TRPS1: variants seen among roughly 807,000 people sequenced by gnomAD.
The protein encoded by TRPS1 is zinc finger transcription factor Trps1.
TRPS1 carries 6 observed loss-of-function variants against 101.2 expected under a neutral mutation model. The ratio of observed to expected loss-of-function variants is 0.06; its 90% confidence interval spans 0.03 to 0.12. TRPS1 has a LOEUF of 0.12. Among genes scored for constraint, TRPS1 ranks in the 10% least tolerant of loss-of-function variants. The pLI, the probability that TRPS1 is intolerant of heterozygous loss-of-function variation, is 1.00. For missense variants in TRPS1, 1,363 were observed against 1,567.0 expected, an observed-to-expected ratio of 0.87 and a Z score of 2.20; for synonymous variants, 578 against 589.8, an observed-to-expected ratio of 0.98 and a Z score of 0.29.
intron 5 of TRPS1, among the ~76,000 whole-genome samples, chr8:115,491,216 CT>C (rs1563548699): frequency 6.6e-6 from 1 of 152,138 alleles, no homozygotes; most frequent in East Asian, 1.9e-4. Flanking sequence ...TTGAGGAGAC[CT>C]TTGTCTTTGT....
chr8:115,585,015 G>T (rs1817533076), intron 5 of TRPS1, among the ~76,000 whole-genome samples: 1 of 152,002 alleles, frequency 6.6e-6, no homozygotes, highest in Admixed American at 6.6e-5. Context: ...GCATGTATTT[G>T]TATATATTAA....
intron 1 of TRPS1, among the ~76,000 whole-genome samples, chr8:115,646,740 CTG>C (rs1416152894): frequency 6.6e-6 from 1 of 152,074 alleles, no homozygotes; most frequent in East Asian, 1.9e-4. Flanking sequence ...TGACGGCAAA[CTG>C]TAGTTATTAA....
At chr8:115,657,158 T>C (rs552576101) in intron 1 of TRPS1, among the ~76,000 whole-genome samples, 1 of 152,276 alleles carries the variant, frequency 6.6e-6, no homozygotes, top group South Asian at 2.1e-4. Flanking sequence ...CATAAAACTG[T>C]CAGTTTCCTC....
At chr8:115,547,529 G>A (rs1177374734) in intron 5 of TRPS1, among the ~76,000 whole-genome samples, 4 of 152,082 alleles carry the variant, frequency 2.6e-5, no homozygotes, top group Non-Finnish European at 5.9e-5. Flanking sequence ...GTCATTAAAC[G>A]CATCACACAC....
chr8:115,476,405 G>A (rs993831665), intron 5 of TRPS1, among the ~76,000 whole-genome samples: 1 of 152,172 alleles, frequency 6.6e-6, no homozygotes, highest in South Asian at 2.1e-4. Context: ...TAAAGCAATT[G>A]TTGGTAATAT....
intron 1 of TRPS1, among the ~76,000 whole-genome samples, chr8:115,657,131 A>C (rs1458221180): frequency 3.9e-5 from 6 of 152,142 alleles, no homozygotes; most frequent in Non-Finnish European, 8.8e-5. Flanking sequence ...GCCAAAAACA[A>C]CTTTCGGCAC....
At chr8:115,582,690 T>C (rs1817479052) in intron 5 of TRPS1, among the ~76,000 whole-genome samples, 1 of 152,084 alleles carries the variant, frequency 6.6e-6, no homozygotes, top group South Asian at 2.1e-4. Flanking sequence ...GAACTCAACT[T>C]CCAGAACTTG....
At chr8:115,529,425 T>G (rs1183662125) in intron 5 of TRPS1, among the ~76,000 whole-genome samples, 1 of 152,144 alleles carries the variant, frequency 6.6e-6, no homozygotes, top group Non-Finnish European at 1.5e-5. Context: ...TTATTAATAT[T>G]GCTTCCATGT....
At chr8:115,508,012 C>T (rs1815489899) in intron 5 of TRPS1, among the ~76,000 whole-genome samples, 1 of 151,882 alleles carries the variant, frequency 6.6e-6, no homozygotes, top group African/African-American at 2.4e-5. Flanking sequence ...ACTTGCCTGT[C>T]TAAAATAAAA....
chr8:115,571,009 T>C (rs541561321), intron 5 of TRPS1, among the ~76,000 whole-genome samples: 2 of 152,344 alleles, frequency 1.3e-5, no homozygotes, highest in African/African-American at 4.8e-5. Flanking sequence ...GGACTGGGCC[T>C]GTAAGCCCAA....
At chr8:115,480,584 A>G (rs946682739) in intron 5 of TRPS1, among the ~76,000 whole-genome samples, 1 of 152,058 alleles carries the variant, frequency 6.6e-6, no homozygotes, top group Admixed American at 6.6e-5. Context: ...GGTCAGAAAT[A>G]TATCTGGAAG....
At chr8:115,570,619 A>T (rs1007725630) in intron 5 of TRPS1, among the ~76,000 whole-genome samples, 2 of 151,854 alleles carry the variant, frequency 1.3e-5, no homozygotes, top group Non-Finnish European at 2.9e-5. Flanking sequence ...TCTTTGTTCT[A>T]CTGTGTCCCA....
chr8:115,595,547 T>C (rs928249227), intron 4 of TRPS1, among the ~76,000 whole-genome samples: 4 of 151,886 alleles, frequency 2.6e-5, no homozygotes, highest in Non-Finnish European at 5.9e-5. Flanking sequence ...TTTGGGGACA[T>C]GGGATGAGGT....
At chr8:115,648,208 A>G (rs1408059680) in intron 1 of TRPS1, among the ~76,000 whole-genome samples, 1 of 152,116 alleles carries the variant, frequency 6.6e-6, no homozygotes, top group Non-Finnish European at 1.5e-5. Flanking sequence ...AGGGGATGCG[A>G]CGCGACAGGG....
intron 5 of TRPS1, among the ~76,000 whole-genome samples, chr8:115,485,525 C>T (rs926038775): frequency 6.6e-6 from 1 of 152,172 alleles, no homozygotes; most frequent in African/African-American, 2.4e-5. Flanking sequence ...GAACATACGC[C>T]TCTTTAGTTT....
intron 5 of TRPS1, among the ~76,000 whole-genome samples, chr8:115,466,446 T>G (rs1814321509): frequency 6.6e-6 from 1 of 152,184 alleles, no homozygotes; most frequent in African/African-American, 2.4e-5. Context: ...AGCTTGATTG[T>G]ATTTCTGAAA....
chr8:115,440,068 T>C (rs2129873870), intron 5 of TRPS1, among the ~76,000 whole-genome samples: 1 of 152,338 alleles, frequency 6.6e-6, no homozygotes, highest in East Asian at 1.9e-4. Context: ...AGTTTAAAAA[T>C]CCAGACCTCT....
intron 5 of TRPS1, among the ~76,000 whole-genome samples, chr8:115,539,799 A>C (rs1816408230): frequency 6.6e-6 from 1 of 152,194 alleles, no homozygotes; most frequent in South Asian, 2.1e-4. Flanking sequence ...CAGAGGTTGC[A>C]ATGAGCTGAG....
At chr8:115,608,268 ACATCCAAATTTTTACAATTATATT>A (rs1336808072) in intron 3 of TRPS1, among the ~76,000 whole-genome samples, 7 of 152,204 alleles carry the variant, frequency 4.6e-5, no homozygotes, top group African/African-American at 1.7e-4. Flanking sequence ...TTTGGTAAAG[ACATCCAAATTTTTACAATTATATT>A]AAACTGTAAT....
Sources: gnomAD v4.1 joint callset for allele counts (sites outside exome capture counted in the v4.1 genomes callset) on GRCh38, gnomAD v4.1.1 for gene constraint, MANE v1.5 for transcripts, NCBI Gene and HGNC (gene_info 2026-07-23, HGNC 2026-07-21) for gene names.